The following ITFG1 variants were observed in gnomAD, a reference collection of about 807,000 sequenced individuals.
ITFG1 encodes the protein integrin alpha FG-GAP repeat containing 1.
Under a neutral mutation model 81.8 loss-of-function variants are expected in ITFG1, and 34 were observed. The ratio of observed to expected loss-of-function variants is 0.42; its 90% CI spans 0.32 to 0.55. The LOEUF (loss-of-function observed/expected upper bound fraction) is 0.55. ITFG1 is among the 20% of genes least tolerant of loss of function. The pLI, the probability that ITFG1 is intolerant of heterozygous loss-of-function variation, is 0.17. For missense variants in ITFG1, 672 were observed against 755.4 expected (o/e 0.89, Z 1.29); for synonymous variants, 285 against 270.6 (o/e 1.05, Z -0.52).
intron 12 of ITFG1, among the ~76,000 whole-genome samples, chr16:47,240,118 C>CCTGT (rs1965916383): frequency 6.7e-6 from 1 of 149,284 alleles, no homozygotes; most frequent in Non-Finnish European, 1.5e-5. Context: ...ATGGAGAAAC[C>CCTGT]CTGTCTACCA....
At chr16:47,344,764 A>G (rs537054190) in intron 8 of ITFG1, among the ~76,000 whole-genome samples, 1 of 152,238 alleles carries the variant, frequency 6.6e-6, no homozygotes, top group Admixed American at 6.5e-5. Context: ...CCTACTGTCT[A>G]TGTCCATTTC....
intron 5 of ITFG1, among the ~76,000 whole-genome samples, chr16:47,441,694 C>A (rs1165481578): frequency 6.6e-6 from 1 of 152,072 alleles, no homozygotes; most frequent in African/African-American, 2.4e-5. Flanking sequence ...ATAATAAGAG[C>A]TATCTATGAC....
intron 10 of ITFG1, among the ~76,000 whole-genome samples, chr16:47,305,329 G>A (rs1404183032): frequency 6.6e-6 from 1 of 152,094 alleles, no homozygotes; most frequent in Non-Finnish European, 1.5e-5. Flanking sequence ...TTTCATTTCT[G>A]TCTTGTTCAC....
At chr16:47,348,854 C>T (rs895384436) in intron 8 of ITFG1, among the ~76,000 whole-genome samples, 11 of 152,144 alleles carry the variant, frequency 7.2e-5, no homozygotes, top group African/African-American at 1.4e-4. Flanking sequence ...AGACTAACAG[C>T]GGATCTCTCA....
chr16:47,280,503 A>T (rs1158543887), intron 10 of ITFG1, among the ~76,000 whole-genome samples: 1 of 152,114 alleles, frequency 6.6e-6, no homozygotes, highest in Non-Finnish European at 1.5e-5. Context: ...CTTTGGTATA[A>T]TGGGAAATAT....
intron 12 of ITFG1, among the ~76,000 whole-genome samples, chr16:47,257,954 T>C (rs374013056): frequency 6.6e-6 from 1 of 152,246 alleles, no homozygotes; most frequent in East Asian, 1.9e-4. Context: ...GAATCATTAT[T>C]TGACAAATGT....
At chr16:47,454,812 T>G (rs1969431995) in intron 2 of ITFG1, among the ~76,000 whole-genome samples, 1 of 152,214 alleles carries the variant, frequency 6.6e-6, no homozygotes, top group Non-Finnish European at 1.5e-5. Context: ...TCTTGAAAGC[T>G]TAACGTCCTG....
intron 5 of ITFG1, among the ~76,000 whole-genome samples, chr16:47,434,751 C>G (rs537743759): frequency 6.6e-6 from 1 of 151,944 alleles, no homozygotes; most frequent in Non-Finnish European, 1.5e-5. Context: ...ACGATAGCAA[C>G]GACATGGAAT....
At chr16:47,229,181 A>C (rs1278076267) in intron 13 of ITFG1, among the ~76,000 whole-genome samples, 4 of 152,172 alleles carry the variant, frequency 2.6e-5, no homozygotes, top group Non-Finnish European at 4.4e-5. Context: ...AATAAGTGAC[A>C]GTAGTAGGAC....
At chr16:47,330,562 T>A (rs1342153201) in intron 8 of ITFG1, among the ~76,000 whole-genome samples, 1 of 152,062 alleles carries the variant, frequency 6.6e-6, no homozygotes, top group East Asian at 1.9e-4. Flanking sequence ...GGAGAAAATA[T>A]TTGCAAACTA....
intron 6 of ITFG1, among the ~76,000 whole-genome samples, chr16:47,406,486 G>C (rs914283288): frequency 2.0e-5 from 3 of 152,180 alleles, no homozygotes; most frequent in Non-Finnish European, 2.9e-5. Flanking sequence ...ACCAATTAGG[G>C]ACAGTTTGAG....
intron 8 of ITFG1, among the ~76,000 whole-genome samples, chr16:47,347,552 C>T (rs746955876): frequency 3.3e-5 from 5 of 151,994 alleles, no homozygotes; most frequent in South Asian, 4.1e-4. Flanking sequence ...CTGGGAAGCC[C>T]GAAATGGGTG....
intron 14 of ITFG1, among the ~76,000 whole-genome samples, chr16:47,176,944 C>T (rs1965033965): frequency 6.7e-6 from 1 of 150,360 alleles, no homozygotes. Context: ...TCTCATACAT[C>T]TTCTTCTTCT....
At chr16:47,169,886 A>G (rs1964936710) in intron 14 of ITFG1, among the ~76,000 whole-genome samples, 1 of 152,140 alleles carries the variant, frequency 6.6e-6, no homozygotes, top group African/African-American at 2.4e-5. Flanking sequence ...GAGTGTTTTA[A>G]TTATAAAAGG....
At chr16:47,249,273 G>A (rs1266568558) in intron 12 of ITFG1, among the ~76,000 whole-genome samples, 1 of 152,052 alleles carries the variant, frequency 6.6e-6, no homozygotes, top group Non-Finnish European at 1.5e-5. Flanking sequence ...ACAAAAATTA[G>A]CTGAGTGTGG....
At chr16:47,407,843 G>T (rs1189123286) in intron 6 of ITFG1, among the ~76,000 whole-genome samples, 1 of 152,168 alleles carries the variant, frequency 6.6e-6, no homozygotes, top group Non-Finnish European at 1.5e-5. Context: ...ATAGTGGGAC[G>T]TCTAGCTTGG....
chr16:47,396,110 T>C, intron 6 of ITFG1: 1 of 953,202 alleles, frequency 1.0e-6, no homozygotes, highest in Non-Finnish European at 1.2e-6. Context: ...CACCTATCCC[T>C]TTCCATTTTC....
chr16:47,407,396 G>A (rs1968742409), intron 6 of ITFG1, among the ~76,000 whole-genome samples: 1 of 152,194 alleles, frequency 6.6e-6, no homozygotes, highest in Non-Finnish European at 1.5e-5. Flanking sequence ...CTGTCACTCA[G>A]GCTGGAGTGC....
At chr16:47,242,792 C>A (rs1965949792) in intron 12 of ITFG1, among the ~76,000 whole-genome samples, 1 of 151,984 alleles carries the variant, frequency 6.6e-6, no homozygotes, top group Admixed American at 6.6e-5. Context: ...AAGTTCAAAA[C>A]AAGGGAGAAT....
Sources: allele counts gnomAD v4.1 joint callset (sites outside exome capture counted in the v4.1 genomes callset), GRCh38; gene constraint gnomAD v4.1.1; transcripts MANE v1.5; gene names NCBI Gene and HGNC (gene_info 2026-07-23, HGNC 2026-07-21).